The following NELL1 variants were observed in gnomAD, a reference collection of about 807,000 sequenced individuals.
The protein encoded by NELL1 is neural EGFL like 1.
NELL1 carries 76 observed loss-of-function variants against 107.4 expected under a neutral mutation model. The observed-to-expected ratio is 0.71, with a 90% confidence interval of 0.59 to 0.86. The LOEUF (loss-of-function observed/expected upper bound fraction) is 0.86. Among genes scored for constraint, NELL1 ranks in the 40% least tolerant of loss-of-function variants. The probability of loss-of-function intolerance (pLI) is 0.00; values close to 1 mark genes in which losing one functional copy is unlikely to be tolerated. For synonymous variants in NELL1, 353 were observed against 341.2 expected (o/e 1.03, Z -0.38); for missense variants, 1,024 against 1,005.5 (o/e 1.02, Z -0.25).
chr11:20,897,015 C>A (rs1849755931), intron 5 of NELL1, among the ~76,000 whole-genome samples: 1 of 152,154 alleles, frequency 6.6e-6, no homozygotes, highest in African/African-American at 2.4e-5. Context: ...TCAGTGCCAT[C>A]CCCATCAAGC....
intron 4 of NELL1, among the ~76,000 whole-genome samples, chr11:20,868,547 A>G (rs969570905): frequency 6.6e-6 from 1 of 152,192 alleles, no homozygotes; most frequent in African/African-American, 2.4e-5. Flanking sequence ...TTTTTGTTAT[A>G]AACATCACAA....
intron 14 of NELL1, among the ~76,000 whole-genome samples, chr11:21,237,453 C>T (rs1858238523): frequency 6.6e-6 from 1 of 152,054 alleles, no homozygotes; most frequent in Admixed American, 6.6e-5. Flanking sequence ...GTCTTTCTTT[C>T]TTACATGTGC....
intron 13 of NELL1, among the ~76,000 whole-genome samples, chr11:21,191,552 G>T (rs1857050138): frequency 6.6e-6 from 1 of 151,816 alleles, no homozygotes; most frequent in Non-Finnish European, 1.5e-5. Context: ...CACTATTTTT[G>T]GTAATTTGTT....
intron 4 of NELL1, among the ~76,000 whole-genome samples, chr11:20,873,226 C>T (rs1213885162): frequency 1.3e-5 from 2 of 152,122 alleles, no homozygotes; most frequent in Non-Finnish European, 2.9e-5. Flanking sequence ...ATGGGACCGA[C>T]GACTGTGGCC....
At chr11:21,469,213 TAAGTA>T (rs1341187918) in intron 15 of NELL1, among the ~76,000 whole-genome samples, 1 of 152,026 alleles carries the variant, frequency 6.6e-6, no homozygotes, top group Non-Finnish European at 1.5e-5. Context: ...ACATAACATC[TAAGTA>T]GAGTAGGACG....
At chr11:20,976,544 T>C (rs1039695275) in intron 12 of NELL1, among the ~76,000 whole-genome samples, 2 of 152,218 alleles carry the variant, frequency 1.3e-5, no homozygotes, top group Admixed American at 1.3e-4. Context: ...AGAGGGAAAA[T>C]GTTTCCTTGT....
intron 13 of NELL1, among the ~76,000 whole-genome samples, chr11:21,193,367 T>C (rs1371623075): frequency 1.3e-5 from 2 of 151,784 alleles, no homozygotes; most frequent in Non-Finnish European, 2.9e-5. Context: ...GTGTGGAAAC[T>C]GGGTAATTTT....
intron 12 of NELL1, among the ~76,000 whole-genome samples, chr11:21,038,083 T>C (rs192859678): frequency 1.3e-5 from 2 of 152,276 alleles, no homozygotes; most frequent in Admixed American, 1.3e-4. Flanking sequence ...AACTGAATGC[T>C]GTTTATGTGT....
intron 14 of NELL1, among the ~76,000 whole-genome samples, chr11:21,338,277 A>G (rs915031771): frequency 5.9e-5 from 9 of 152,222 alleles, no homozygotes; most frequent in African/African-American, 1.7e-4. Context: ...CTGTGAGCAC[A>G]TGTTAAACAG....
chr11:20,830,890 A>G (rs907916886), intron 3 of NELL1, among the ~76,000 whole-genome samples: 2 of 152,026 alleles, frequency 1.3e-5, no homozygotes, highest in African/African-American at 2.4e-5. Context: ...TGATCCAAAC[A>G]CTTCCCACTA....
chr11:20,847,520 G>A, intron 3 of NELL1, 63 bp from the exon 4 acceptor site: 3 of 1,521,330 alleles, frequency 2.0e-6, no homozygotes, highest in Non-Finnish European at 2.7e-6. Context: ...GGGGTTGAGG[G>A]ATTGATGATG....
At chr11:21,367,193 A>G (rs1851242678) in intron 14 of NELL1, among the ~76,000 whole-genome samples, 1 of 151,920 alleles carries the variant, frequency 6.6e-6, no homozygotes, top group Non-Finnish European at 1.5e-5. Flanking sequence ...GATCCAATCT[A>G]ACATCTCCTC....
chr11:20,947,862 T>C (rs1850995873), intron 11 of NELL1, among the ~76,000 whole-genome samples: 1 of 152,188 alleles, frequency 6.6e-6, no homozygotes, highest in Non-Finnish European at 1.5e-5. Context: ...TAGAGAATGA[T>C]GTATGGTGAA....
At chr11:21,375,483 G>A (rs916458833) in intron 15 of NELL1, among the ~76,000 whole-genome samples, 2 of 151,968 alleles carry the variant, frequency 1.3e-5, no homozygotes, top group African/African-American at 4.8e-5. Flanking sequence ...ATATATTTGT[G>A]AATGTCTACT....
chr11:20,743,315 T>A (rs1370414746), intron 2 of NELL1, among the ~76,000 whole-genome samples: 1 of 151,960 alleles, frequency 6.6e-6, no homozygotes, highest in Non-Finnish European at 1.5e-5. Context: ...ATCGTGCCAC[T>A]GTACTCTAGC....
chr11:21,508,277 T>C (rs1022218661), intron 15 of NELL1, among the ~76,000 whole-genome samples: 3 of 151,648 alleles, frequency 2.0e-5, no homozygotes, highest in Non-Finnish European at 4.4e-5. Flanking sequence ...AATAGACAAA[T>C]AACTAGAAAA....
intron 2 of NELL1, among the ~76,000 whole-genome samples, chr11:20,725,344 G>A (rs11025715): frequency 0.11 from 16,260 of 152,216 alleles, 1,060 homozygotes; most frequent in Non-Finnish European, 0.15. Context: ...TCCTGTGTCA[G>A]TGGCATCAGG....
chr11:21,117,339 C>T (rs1013575682), intron 13 of NELL1, among the ~76,000 whole-genome samples: 4 of 151,988 alleles, frequency 2.6e-5, no homozygotes. Flanking sequence ...AATGTAAACT[C>T]TTGAGAGCAG....
At position 20,716,865 on chromosome 11, in the gene NELL1, G is replaced by C. The variant is rs138633874; in HGVS notation, c.184+38805G>C. Among the ~76,000 whole-genome samples, 196 of 152,334 alleles carry C rather than the reference G, an allele frequency of 1.3e-3. 2 individuals are homozygous for C. The highest frequency in any genetic ancestry group is 4.5e-3 in the African/African-American group (188 of 41,580). ...TGGGTATGTAGCAAACACTCAGTGA[G>C]TGTTAACTGTTGCCTTATGCGGTTT... On this transcript the variant is annotated intron_variant, in intron 2 of 19. Transcript: ENST00000357134.
Sources: gnomAD v4.1 joint callset for allele counts (sites outside exome capture counted in the v4.1 genomes callset) on GRCh38, gnomAD v4.1.1 for gene constraint, MANE v1.5 for transcripts, NCBI Gene and HGNC (gene_info 2026-07-23, HGNC 2026-07-21) for gene names.